ZNF737: variants seen among roughly 807,000 people sequenced by gnomAD.
The protein encoded by ZNF737 is zinc finger protein 102 (Y3).
A neutral mutation model predicts 11.7 loss-of-function variants in ZNF737; 13 were observed. That is an observed-to-expected ratio of 1.11 (90% confidence interval 0.73 to 1.77). The LOEUF (loss-of-function observed/expected upper bound fraction) is 1.77, where lower values mean the gene tolerates loss of function less well. Ranked by LOEUF, ZNF737 falls within the 40% of genes most tolerant of loss-of-function variation. The pLI, the probability that ZNF737 is intolerant of heterozygous loss-of-function variation, is 0.00. For synonymous variants in ZNF737, 217 were observed against 216.2 expected (o/e 1.00, Z -0.03); for missense variants, 636 against 638.0 (o/e 1.00, Z 0.03).
chr19:20,553,485 C>T (rs1437046631), intron 2 of ZNF737, among the ~76,000 whole-genome samples: 5 of 152,044 alleles, frequency 3.3e-5, no homozygotes, highest in African/African-American at 1.2e-4. Context: ...ATCTTGAACT[C>T]CTAGCCTCAG....
intron 1 of ZNF737, among the ~76,000 whole-genome samples, chr19:20,557,424 A>G (rs1178798026): frequency 1.3e-5 from 2 of 149,964 alleles, no homozygotes; most frequent in East Asian, 2.0e-4. Flanking sequence ...TGAGGACCCT[A>G]TGTAAAATTC....
chr19:20,544,489 T>G lies in ZNF737; in HGVS notation c.*103A>C. On this transcript the variant is annotated 3_prime_UTR_variant, in exon 4 of 4. Transcript: ENST00000427401. ...TAAGGTTTGAGGATGAAATAAAGGC[T>G]TTGCCACATTTATCACACTTGTACA... The G allele has an allele frequency of 3.3e-6, 5 of 1,524,804 alleles. No individual in the cohort carries two copies. Among genetic ancestry groups the G allele is most frequent in the Non-Finnish European group, 4.4e-6 (5 of 1,144,100 alleles). The allele number at this position is 1,524,804 out of a possible 1,614,324, so 94.5% of individuals were successfully genotyped here.
In ZNF737 at chr19:20,542,155, A is replaced by G; in HGVS notation, c.*2437T>C. 1.0e-6 allele frequency: 1 copy of G among 985,224 alleles called. No homozygotes were observed. The highest frequency in any genetic ancestry group is 1.2e-6 in the Non-Finnish European group (1 of 829,766). 61.0% of individuals were successfully genotyped at this position (985,224 alleles called of 1,614,324 possible). ...AAAGTGGGATACAGTTAGTGGCACA[A>G]TAATGGTTCATTAAACGCACGGTAG... On this transcript the variant is annotated 3_prime_UTR_variant, in exon 4 of 4. Coordinates refer to ENST00000427401, the MANE Select transcript of ZNF737 (RefSeq NM_001159293.2).
At chr19:20,547,860 T>C (rs1568429220) in intron 3 of ZNF737, among the ~76,000 whole-genome samples, 2 of 152,090 alleles carry the variant, frequency 1.3e-5, no homozygotes, top group African/African-American at 2.4e-5. Flanking sequence ...ATCCAAAATA[T>C]GTAACACAGG....
intron 1 of ZNF737, among the ~76,000 whole-genome samples, chr19:20,561,707 G>A (rs138255844): frequency 2.7e-5 from 4 of 148,060 alleles, no homozygotes; most frequent in East Asian, 2.0e-4. Context: ...TGACACCACC[G>A]AGAGTCAACA....
In ZNF737 at chr19:20,540,474, T is replaced by G. The variant is rs1021513110; in HGVS notation, c.*4118A>C. On this transcript the variant is annotated 3_prime_UTR_variant, in exon 4 of 4. Coordinates refer to ENST00000427401, the MANE Select transcript of ZNF737 (RefSeq NM_001159293.2). ...CCACCTAAATAAATGTTTAAAATCA[T>G]CTTTTGCTGGGCACGGTGGCTCATG... Among the ~76,000 whole-genome samples, 4 of 152,104 alleles carry G rather than the reference T, an allele frequency of 2.6e-5. No individual in the cohort carries two copies. Among genetic ancestry groups the G allele is most frequent in the Non-Finnish European group, 5.9e-5 (4 of 68,008 alleles).
rs1968346146 is a variant in ZNF737 at position 20,544,514 on chromosome 19, A to C, written c.*78T>G. On this transcript the variant is annotated 3_prime_UTR_variant, in exon 4 of 4. Coordinates refer to ENST00000427401, the MANE Select transcript of ZNF737 (RefSeq NM_001159293.2). ...TTTGCCACATTTATCACACTTGTAC[A>C]GTTTCCCTCCAATATGAATTTTCTT... The C allele has an allele frequency of 1.3e-6, 2 of 1,542,610 alleles. No homozygotes were observed. Among genetic ancestry groups the C allele is most frequent in the South Asian group, 1.3e-5 (1 of 79,274 alleles).
chr19:20,548,451 C>CA (rs1555757501), intron 3 of ZNF737, among the ~76,000 whole-genome samples: 1 of 151,998 alleles, frequency 6.6e-6, no homozygotes, highest in Non-Finnish European at 1.5e-5. Flanking sequence ...CTTAAGTAGT[C>CA]AAAATCATAA....
In ZNF737 at chr19:20,543,399, C is replaced by G. The variant is rs1009316605; in HGVS notation, c.*1193G>C. 24 of 986,438 alleles carry G rather than the reference C, an allele frequency of 2.4e-5. No individual in the cohort carries two copies. Among genetic ancestry groups the G allele is most frequent in the Non-Finnish European group, 2.9e-5 (24 of 829,652 alleles). The allele number at this position is 986,438 out of a possible 1,614,324, so 61.1% of individuals were successfully genotyped here. ...GTAATGCTTGTCTTCACAATAAATA[C>G]TCTTCTTCACTTTAAAGGCTTATAC... is the stretch of plus-strand genomic sequence containing the variant. On this transcript the variant is annotated 3_prime_UTR_variant, in exon 4 of 4. Transcript: ENST00000427401.
At position 20,538,836 on chromosome 19, in the gene ZNF737, T is replaced by A. The variant is rs1968082264; in HGVS notation, c.*5756A>T. On this transcript the variant is annotated 3_prime_UTR_variant, in exon 4 of 4. Transcript: ENST00000427401. ...TTTAGTCATACTATTTTTTAGCAAC[T>A]AATGGCATCTGTTACCCATTAATTT... is the stretch of plus-strand genomic sequence containing the variant. 1 of 985,264 alleles carries A rather than the reference T, an allele frequency of 1.0e-6. No individual in the cohort carries two copies. The highest frequency in any genetic ancestry group is 4.7e-5 in the South Asian group (1 of 21,274). The allele number at this position is 985,264 out of a possible 1,614,324, so 61.0% of individuals were successfully genotyped here.
At chr19:20,553,270 T>C (rs1000152511) in intron 2 of ZNF737, among the ~76,000 whole-genome samples, 1 of 152,120 alleles carries the variant, frequency 6.6e-6, no homozygotes, top group South Asian at 2.1e-4. Context: ...TCTTTTTTTT[T>C]CCCCTTGAGA....
chr19:20,545,752 C>T lies in ZNF737; in HGVS notation c.451G>A (p.Val151Met). ...QSKIFQCDKY[V>M]KVIHKFSNSN... ...TTTGAAAATTTATGAATGACTTTCA[C>T]ATATTTATCACACTGAAATATTTTG... Residue 151 changes from valine (V) to methionine (M), a missense_variant, in exon 4 of 4, where the codon GTG (valine) becomes ATG (methionine). By Grantham distance (21) the Val-to-Met change is conservative (BLOSUM62 1). Coordinates refer to ENST00000427401, the MANE Select transcript of ZNF737 (RefSeq NM_001159293.2). 1 of 1,613,144 alleles carries T rather than the reference C, an allele frequency of 6.2e-7. No homozygotes were observed.
chr19:20,548,487 T>C (rs1555757512), intron 3 of ZNF737, among the ~76,000 whole-genome samples: 1 of 152,186 alleles, frequency 6.6e-6, no homozygotes, highest in African/African-American at 2.4e-5. Flanking sequence ...GGTTTGTCTG[T>C]CAAAGGCTGG....
rs1555754762 is a variant in ZNF737, at chr19:20,540,054, CCTTT to C, written c.*4534_*4537del. On this transcript the variant is annotated 3_prime_UTR_variant, in exon 4 of 4. Transcript: ENST00000427401. Reference sequence around the variant, plus strand: ...ATTATTTCTTGAATGAATGAGATTCCCTTTTTTTTCCCTCTGCCATAGAATCCTC... The same window carrying C: ...ATTATTTCTTGAATGAATGAGATTCCTTTTTCCCTCTGCCATAGAATCCTC... The C allele has an allele frequency of 1.0e-6, 1 of 985,238 alleles. No individual in the cohort carries two copies. Among genetic ancestry groups the C allele is most frequent in the Non-Finnish European group, 1.2e-6 (1 of 829,930 alleles). The allele number at this position is 985,238 out of a possible 1,614,324, so 61.0% of individuals were successfully genotyped here. A position where few individuals can be genotyped will look rare whatever the true frequency, so the allele number is the denominator to read the frequency against.
rs1262274899 is a variant in ZNF737, at chr19:20,539,099, AAG to A, written c.*5491_*5492del. On this transcript the variant is annotated 3_prime_UTR_variant, in exon 4 of 4. Transcript: ENST00000427401. ...TCACCTGAGGTCAGGAGTTCAAGAC[AAG>A]CCTGGCTAACATGATGAAATCCCAT... 3 of 684,730 alleles carry A rather than the reference AAG, an allele frequency of 4.4e-6. No homozygotes were observed. The allele number at this position is 684,730 out of a possible 1,614,324, so 42.4% of individuals were successfully genotyped here.
downstream of ZNF737, among the ~76,000 whole-genome samples, chr19:20,534,439 C>CA (rs1348562053): frequency 3.2e-5 from 4 of 126,928 alleles, 1 homozygote; most frequent in Admixed American, 1.7e-4. Flanking sequence ...AACTCTGTCT[C>CA]AAAAAAAGAA....
At chr19:20,554,890 C>A (rs569160860) in intron 1 of ZNF737, among the ~76,000 whole-genome samples, 1 of 143,820 alleles carries the variant, frequency 7.0e-6, no homozygotes, top group Non-Finnish European at 1.5e-5. Flanking sequence ...GAGGCAAAGT[C>A]TCACTCTTGT....
Position 20,543,773 on chromosome 19 carries a change from C to T in ZNF737, c.*819G>A. The T allele has an allele frequency of 1.0e-6, 1 of 985,380 alleles. No individual in the cohort carries two copies. Among genetic ancestry groups the T allele is most frequent in the Non-Finnish European group, 1.2e-6 (1 of 829,938 alleles). The allele number at this position is 985,380 out of a possible 1,614,324, so 61.0% of individuals were successfully genotyped here. ...TTGGAGGTGTTCGTAAAAGCAATGT[C>T]ACATTTTTTAGCTTTGCGGATTTCC... On this transcript the variant is annotated 3_prime_UTR_variant, in exon 4 of 4. Transcript: ENST00000427401.
At chr19:20,549,480 T>G (rs1410760864) in intron 3 of ZNF737, among the ~76,000 whole-genome samples, 1 of 151,986 alleles carries the variant, frequency 6.6e-6, no homozygotes, top group African/African-American at 2.4e-5. Flanking sequence ...ATACAAAAAT[T>G]AGCTGAGCAT....
Sources: gnomAD v4.1 joint callset for allele counts (sites outside exome capture counted in the v4.1 genomes callset) on GRCh38, gnomAD v4.1.1 for gene constraint, MANE v1.5 for transcripts, NCBI Gene and HGNC (gene_info 2026-07-23, HGNC 2026-07-21) for gene names.